The following AK9 variants were observed in gnomAD, a reference collection of about 807,000 sequenced individuals.
The protein encoded by AK9 is adenylate kinase 9, also known as adenylate kinase domain containing 1.
AK9 carries 191 observed loss-of-function variants against 239.6 expected under a neutral mutation model. The observed-to-expected ratio is 0.80, with a 90% confidence interval of 0.71 to 0.90. The LOEUF (loss-of-function observed/expected upper bound fraction) is 0.90, where lower values mean the gene tolerates loss of function less well. AK9 is among the 40% of genes least tolerant of loss of function. The pLI is 0.00. For missense variants in AK9, 1,995 were observed against 2,214.7 expected, an observed-to-expected ratio of 0.90 and a Z score of 1.99; for synonymous variants, 689 against 721.0, an observed-to-expected ratio of 0.96 and a Z score of 0.71.
chr6:109,646,233 G>A (rs1262725236), intron 8 of AK9, among the ~76,000 whole-genome samples: 4 of 152,202 alleles, frequency 2.6e-5, no homozygotes, highest in African/African-American at 7.2e-5. Flanking sequence ...AAAGCTGGAC[G>A]GAGAATGACT....
chr6:109,640,001 G>T (rs1213970685), intron 10 of AK9, among the ~76,000 whole-genome samples: 2 of 152,172 alleles, frequency 1.3e-5, no homozygotes, highest in Admixed American at 6.5e-5. Flanking sequence ...CTGATCCATT[G>T]ATCTTATCTC....
intron 35 of AK9, 101 bp downstream of exon 35, chr6:109,506,224 ACG>A: frequency 9.0e-6 from 9 of 1,004,556 alleles, no homozygotes; most frequent in Non-Finnish European, 1.4e-5. Context: ...TTATTAAGTC[ACG>A]CCTGACTCAT....
chr6:109,688,869 A>G (rs1473974020), intron 1 of AK9, among the ~76,000 whole-genome samples: 1 of 152,182 alleles, frequency 6.6e-6, no homozygotes, highest in Non-Finnish European at 1.5e-5. Context: ...GGGGGTGCTC[A>G]GGGTGGTATG....
intron 17 of AK9, among the ~76,000 whole-genome samples, chr6:109,592,636 C>T (rs1347287586): frequency 5.3e-5 from 8 of 151,800 alleles, no homozygotes; most frequent in East Asian, 1.9e-4. Context: ...TTAGTAGAGA[C>T]GGGGTTTCAC....
intron 34 of AK9, 49 bp downstream of exon 34, chr6:109,506,605 G>A (rs567251752): frequency 4.4e-5 from 68 of 1,531,930 alleles, no homozygotes; most frequent in African/African-American, 1.5e-4. Flanking sequence ...CTTTTCCCCC[G>A]TATGATTAAA....
chr6:109,552,101 A>G (rs970270612), intron 24 of AK9, among the ~76,000 whole-genome samples: 1 of 151,920 alleles, frequency 6.6e-6, no homozygotes, highest in Non-Finnish European at 1.5e-5. Flanking sequence ...TATATACCAC[A>G]TTTTCTTTAT....
At chr6:109,619,632 A>ATG (rs1463481294) in intron 12 of AK9, among the ~76,000 whole-genome samples, 1 of 152,114 alleles carries the variant, frequency 6.6e-6, no homozygotes, top group Non-Finnish European at 1.5e-5. Context: ...ATATATATAT[A>ATG]TTAACCACAA....
chr6:109,602,865 G>A (rs1286732345), intron 17 of AK9, among the ~76,000 whole-genome samples: 3 of 152,022 alleles, frequency 2.0e-5, no homozygotes, highest in Admixed American at 2.0e-4. Flanking sequence ...TGATCGAATT[G>A]GCTACTGAAG....
At chr6:109,563,814 AGTCTC>A in intron 23 of AK9, 102 bp from the exon 24 acceptor site, 1 of 1,318,548 alleles carries the variant, frequency 7.6e-7, no homozygotes, top group Non-Finnish European at 1.0e-6. Flanking sequence ...TATTATTATT[AGTCTC>A]TTAGATTAAA....
intron 12 of AK9, among the ~76,000 whole-genome samples, chr6:109,629,799 A>AT (rs1379331960): frequency 1.3e-5 from 2 of 151,748 alleles, no homozygotes; most frequent in East Asian, 1.9e-4. Flanking sequence ...TGCCCGGCTA[A>AT]TTTTTTTGTA....
At chr6:109,669,445 G>GC (rs1172145685) in intron 5 of AK9, among the ~76,000 whole-genome samples, 1 of 152,054 alleles carries the variant, frequency 6.6e-6, no homozygotes, top group Non-Finnish European at 1.5e-5. Context: ...AGTGGTGAGA[G>GC]AGGGCATCCC....
At chr6:109,642,858 C>T (rs547214536) in intron 9 of AK9, among the ~76,000 whole-genome samples, 38 of 152,262 alleles carry the variant, frequency 2.5e-4, no homozygotes, top group African/African-American at 7.2e-4. Context: ...ATTGGAAAAA[C>T]AGCAGTTGAG....
At chr6:109,624,764 A>G (rs1795312003) in intron 12 of AK9, among the ~76,000 whole-genome samples, 1 of 151,996 alleles carries the variant, frequency 6.6e-6, no homozygotes, top group Non-Finnish European at 1.5e-5. Flanking sequence ...AATCTGGGAA[A>G]TTTTCTGCAG....
intron 8 of AK9, among the ~76,000 whole-genome samples, chr6:109,655,102 C>T (rs1334503363): frequency 6.6e-6 from 1 of 152,130 alleles, no homozygotes; most frequent in East Asian, 1.9e-4. Context: ...TGCTGCAGGG[C>T]CTAGAAGTTT....
Position 109,633,259 on chromosome 6 carries a change from C to G in AK9, c.998G>C (p.Ser333Thr). Residue 333 changes from serine to threonine, a missense_variant, in exon 11 of 41, where the codon AGT (serine) becomes ACT (threonine). Transcript: ENST00000424296. ...CACAGGACATGTACGTCCCCATTTA[C>G]TTCTTTGCCATCTGTATCTTGGTGC... ...LIAPRYRWQRSKWGRTCPVNL... is the reference protein window; with the variant it reads ...LIAPRYRWQRTKWGRTCPVNL... 6.2e-7 allele frequency: 1 copy of G among 1,610,054 alleles called. No homozygotes were observed. The highest frequency in any genetic ancestry group is 8.5e-7 in the Non-Finnish European group (1 of 1,179,286).
At chr6:109,604,150 T>A (rs530371685) in intron 17 of AK9, among the ~76,000 whole-genome samples, 14 of 152,248 alleles carry the variant, frequency 9.2e-5, no homozygotes, top group African/African-American at 3.1e-4. Context: ...AAATCACCCA[T>A]CCTCTGCGTC....
chr6:109,649,970 A>T (rs2128301043), intron 8 of AK9, among the ~76,000 whole-genome samples: 1 of 152,328 alleles, frequency 6.6e-6, no homozygotes, highest in South Asian at 2.1e-4. Context: ...ATCTGACAAA[A>T]ACAAGCAATG....
At chr6:109,583,042 C>A (rs1285070425) in intron 19 of AK9, among the ~76,000 whole-genome samples, 1 of 152,164 alleles carries the variant, frequency 6.6e-6, no homozygotes, top group Non-Finnish European at 1.5e-5. Context: ...AATGCTATTG[C>A]ACACTTAATA....
chr6:109,528,141 T>C, intron 29 of AK9: 1 of 249,014 alleles, frequency 4.0e-6, no homozygotes, highest in Admixed American at 5.2e-5. Context: ...TGTGTTTAAC[T>C]GCAAAGCCTG....
Sources: allele counts gnomAD v4.1 joint callset (sites outside exome capture counted in the v4.1 genomes callset), GRCh38; gene constraint gnomAD v4.1.1; transcripts MANE v1.5; gene names NCBI Gene and HGNC (gene_info 2026-07-23, HGNC 2026-07-21).